SLC45A1: variants seen among roughly 807,000 people sequenced by gnomAD.
The protein encoded by SLC45A1 is solute carrier family 45 member 1.
Under a neutral mutation model 57.6 loss-of-function variants are expected in SLC45A1, and 28 were observed. That is an observed-to-expected ratio of 0.49 (90% CI 0.36 to 0.67). The LOEUF (loss-of-function observed/expected upper bound fraction) is 0.67, where lower values mean the gene tolerates loss of function less well. Ranked by LOEUF, SLC45A1 falls within the 30% of genes least tolerant of loss-of-function variation. The pLI, the probability that SLC45A1 is intolerant of heterozygous loss-of-function variation, is 0.00. For missense variants in SLC45A1, 814 were observed against 1,041.5 expected, an observed-to-expected ratio of 0.78 and a Z score of 3.01; for synonymous variants, 459 against 471.5, an observed-to-expected ratio of 0.97 and a Z score of 0.34.
chr1:8,336,491 C>G (rs914626053), intron 6 of SLC45A1, among the ~76,000 whole-genome samples: 20 of 151,862 alleles, frequency 1.3e-4, no homozygotes, highest in Admixed American at 1.3e-3. Context: ...TTCTAGAAGG[C>G]AATTTTGTAA....
At chr1:8,322,042 G>GATGA (rs1640031350) in intron 1 of SLC45A1, among the ~76,000 whole-genome samples, 1 of 110,222 alleles carries the variant, frequency 9.1e-6, no homozygotes, top group Non-Finnish European at 1.9e-5. Flanking sequence ...TGAGTGGGTG[G>GATGA]GTGGGTGGAT....
In SLC45A1 at chr1:8,320,657, GTCTCTCTCTCTC is replaced by G. The variant is rs559573564; in HGVS notation, c.-25+2479_-25+2490del. 6.5e-5 allele frequency among the ~76,000 whole-genome samples: 9 copies of G among 137,880 alleles called. No individual in the cohort carries two copies. The Admixed American group carries it at 6.7e-4, about 10-fold the overall frequency. 90.5% of individuals were successfully genotyped at this position (137,880 alleles called of 152,430 possible). A position where few individuals can be genotyped will look rare whatever the true frequency, so the allele number is the denominator to read the frequency against. On this transcript the variant is annotated intron_variant, in intron 1 of 8. Coordinates refer to ENST00000471889, the MANE Select transcript of SLC45A1 (RefSeq NM_001080397.3). The stretch of plus-strand genomic sequence containing the variant: ...ACTCTGTCTGTCTGTCTGTCTGTCT[GTCTCTCTCTCTC>G]TCTCTCTGTTTCTCTCTCTCTCTAC...
rs1430699519 is a variant in SLC45A1 at position 8,344,049 on chromosome 1, C to T, written c.*36C>T. 1 of 1,573,750 alleles carries T rather than the reference C, an allele frequency of 6.4e-7. No individual in the cohort carries two copies. The highest frequency in any genetic ancestry group is 8.6e-7 in the Non-Finnish European group (1 of 1,157,918). On this transcript the variant is annotated 3_prime_UTR_variant, in exon 9 of 9. Coordinates refer to ENST00000471889, the MANE Select transcript of SLC45A1 (RefSeq NM_001080397.3). Reference sequence around the variant, plus strand: ...CCTCGACTCCGGACACGCGCCTGCACCTGGGGGTCTGGAGCAGGCCGACCA... The same window carrying T: ...CCTCGACTCCGGACACGCGCCTGCATCTGGGGGTCTGGAGCAGGCCGACCA...
At position 8,343,699 on chromosome 1, in the gene SLC45A1, G is replaced by A. The variant is rs751809367; in HGVS notation, c.1981-48G>A. The A allele has an allele frequency of 1.9e-5, 30 of 1,572,570 alleles. No individual in the cohort carries two copies. The highest frequency in any genetic ancestry group is 4.6e-5 in the South Asian group (4 of 86,488). On this transcript the variant is annotated intron_variant, in intron 8 of 8. Transcript: ENST00000471889. The surrounding 1 kb of genome is among the most constrained non-coding windows in gnomAD (Gnocchi z 7.7). ...AGGACACACCGAGCTCGGTCACCCC[G>A]TGCTGGCCGCGGCGTGTCTCGCTGA...
Position 8,335,765 on chromosome 1 carries a change from C to T in SLC45A1, c.1597+175C>T, listed in dbSNP as rs1333853556. 6.6e-6 allele frequency among the ~76,000 whole-genome samples: 1 copy of T among 152,206 alleles called. No homozygotes were observed. Among genetic ancestry groups the T allele is most frequent in the East Asian group, 1.9e-4 (1 of 5,184 alleles). ...GTGGTGGCTGCCCTGGAGGGCTTTT[C>T]TCCAGGGTGCCTGCCCTGCATAGCC... On this transcript the variant is annotated intron_variant, in intron 6 of 8. Coordinates refer to ENST00000471889, the MANE Select transcript of SLC45A1 (RefSeq NM_001080397.3). The surrounding 1 kb of genome is among the most constrained non-coding windows in gnomAD (Gnocchi z 4.1).
At chr1:8,329,429 C>T (rs1489301409) in intron 4 of SLC45A1, among the ~76,000 whole-genome samples, 1 of 152,246 alleles carries the variant, frequency 6.6e-6, no homozygotes, top group Non-Finnish European at 1.5e-5. Flanking sequence ...GTGTCGTGGA[C>T]CCGCAGCTGG....
At chr1:8,321,340 T>C (rs1640003929) in intron 1 of SLC45A1, among the ~76,000 whole-genome samples, 1 of 152,198 alleles carries the variant, frequency 6.6e-6, no homozygotes, top group Non-Finnish European at 1.5e-5. Context: ...AAGTCTTTTA[T>C]AGAAGTGACA....
At position 8,330,602 on chromosome 1, in the gene SLC45A1, C is replaced by A. The variant is rs377250283; in HGVS notation, c.1109C>A (p.Thr370Lys). Residue 370 changes from threonine (T) to lysine (K), a missense_variant, in exon 5 of 9, where the codon ACG becomes AAG. Thr to Lys is a moderately conservative substitution (Grantham distance 78, BLOSUM62 -1). Coordinates refer to ENST00000471889, the MANE Select transcript of SLC45A1 (RefSeq NM_001080397.3). The surrounding 1 kb of genome is among the most constrained non-coding windows in gnomAD (Gnocchi z 8.4). The part of the protein sequence containing the change: ...GISEFASSFG[T>K]ANIDSVLIDC... ...AGCGAGTTCGCCTCATCCTTTGGCA[C>A]GGCCAACATAGACAGCGTCCTCATT... The A allele has an allele frequency of 6.2e-7, 1 of 1,613,508 alleles. No homozygotes were observed. The highest frequency in any genetic ancestry group is 1.7e-5 in the Admixed American group (1 of 60,012).
intron 1 of SLC45A1, among the ~76,000 whole-genome samples, chr1:8,323,860 G>C (rs1026527034): frequency 6.9e-6 from 1 of 145,854 alleles, no homozygotes; most frequent in African/African-American, 2.6e-5. Flanking sequence ...TCAGGGTGCC[G>C]GGGGGGTGGT....
rs141326784 is a variant in SLC45A1 at position 8,328,937 on chromosome 1, A to G, written c.716-1272A>G. ...GTGTCTTTCAGGAGGGGAGGAGGGA[A>G]GGCAATTAGAATCATGAGTGTGGGA... On this transcript the variant is annotated intron_variant, in intron 4 of 8. Coordinates refer to ENST00000471889, the MANE Select transcript of SLC45A1 (RefSeq NM_001080397.3). This position sits in a 1 kb window ranked among gnomAD's most constrained non-coding sequence, Gnocchi z 4.6. Among the ~76,000 whole-genome samples the G allele has an allele frequency of 3.2e-3, 481 of 152,338 alleles. 4 individuals are homozygous for G. The highest frequency in any genetic ancestry group is 7.1e-3 in the Admixed American group (108 of 15,294).
intron 1 of SLC45A1, among the ~76,000 whole-genome samples, chr1:8,320,395 C>T (rs1639965965): frequency 6.6e-6 from 1 of 152,160 alleles, no homozygotes; most frequent in African/African-American, 2.4e-5. Context: ...GTAATTCCAA[C>T]ACTTTGGGAA....
rs1557561737 is a variant in SLC45A1, at chr1:8,328,774, G to C, written c.716-1435G>C. Among the ~76,000 whole-genome samples the C allele has an allele frequency of 6.6e-6, 1 of 152,200 alleles. No homozygotes were observed. Among genetic ancestry groups the C allele is most frequent in the Non-Finnish European group, 1.5e-5 (1 of 68,034 alleles). ...GAATCACTTGAGCCCAGGAGGAGGA[G>C]GTGGCAGTGAGCTGAGATGGTGCTG... is the stretch of plus-strand genomic sequence containing the variant. On this transcript the variant is annotated intron_variant, in intron 4 of 8. Transcript: ENST00000471889. This position sits in a 1 kb window ranked among gnomAD's most constrained non-coding sequence, Gnocchi z 4.6.
At position 8,335,502 on chromosome 1, in the gene SLC45A1, G is replaced by C. The variant is rs575632472; in HGVS notation, c.1509G>C (p.Ala503=). The C allele has an allele frequency of 2.5e-5, 40 of 1,603,594 alleles. No homozygotes were observed. Among genetic ancestry groups the C allele is most frequent in the Middle Eastern group, 1.6e-4 (1 of 6,080 alleles). Residue 503 remains alanine, a synonymous_variant, in exon 6 of 9, where the codon GCG becomes GCC. Transcript: ENST00000471889. The surrounding 1 kb of genome is among the most constrained non-coding windows in gnomAD (Gnocchi z 4.1). ...ESELTGSSER[A]EQPLSVGRLC... ...AGCTGACGGGCTCCAGCGAGCGCGC[G>C]GAGCAGCCTCTGTCCGTGGGGCGCC... is the stretch of plus-strand genomic sequence containing the variant.
chr1:8,332,334 C>T (rs1055178821), intron 5 of SLC45A1, among the ~76,000 whole-genome samples: 1 of 152,170 alleles, frequency 6.6e-6, no homozygotes, highest in Non-Finnish European at 1.5e-5. Context: ...TGGTGCCTGA[C>T]GTCGGTTAAC....
chr1:8,335,402 G>A lies in SLC45A1; in HGVS notation c.1444-35G>A, dbSNP rs144007926. The A allele has an allele frequency of 9.1e-5, 141 of 1,552,260 alleles. No individual in the cohort carries two copies. The highest frequency in any genetic ancestry group is 1.1e-4 in the Non-Finnish European group (131 of 1,154,218). On this transcript the variant is annotated intron_variant, in intron 5 of 8. Coordinates refer to ENST00000471889, the MANE Select transcript of SLC45A1 (RefSeq NM_001080397.3). The surrounding 1 kb of genome is among the most constrained non-coding windows in gnomAD (Gnocchi z 4.1). The stretch of plus-strand genomic sequence containing the variant: ...GGTCTGCGCTGTGTGATGGGGGTGC[G>A]GGGCTCTGATGAGGGGTTTGTGGGC...
intron 1 of SLC45A1, among the ~76,000 whole-genome samples, chr1:8,321,987 G>GTGGA (rs1200811108): frequency 5.8e-4 from 39 of 67,082 alleles, no homozygotes; most frequent in African/African-American, 2.0e-3. Flanking sequence ...GGATGGGTGG[G>GTGGA]TGGATGGATG....
chr1:8,338,634 A>C (rs1239205867), intron 7 of SLC45A1, among the ~76,000 whole-genome samples: 20 of 152,248 alleles, frequency 1.3e-4, no homozygotes, highest in Admixed American at 1.3e-3. Context: ...TCTCTGTTGC[A>C]GCCCCTCACC....
intron 1 of SLC45A1, among the ~76,000 whole-genome samples, chr1:8,323,859 C>G (rs1239396919): frequency 2.6e-5 from 4 of 152,080 alleles, no homozygotes; most frequent in African/African-American, 9.7e-5. Context: ...CTCAGGGTGC[C>G]GGGGGGGTGG....
At chr1:8,338,616 CCCAG>C (rs764112028) in intron 7 of SLC45A1, among the ~76,000 whole-genome samples, 5 of 152,252 alleles carry the variant, frequency 3.3e-5, no homozygotes, top group African/African-American at 7.2e-5. Flanking sequence ...GCTTTGCCGG[CCCAG>C]CGGTCTCTGT....
Sources: gnomAD v4.1 joint callset for allele counts (sites outside exome capture counted in the v4.1 genomes callset) on GRCh38, gnomAD v4.1.1 for gene constraint, Gnocchi (gnomAD v3.1) non-coding constraint, MANE v1.5 for transcripts, NCBI Gene and HGNC (gene_info 2026-07-23, HGNC 2026-07-21) for gene names.